The following TSPEAR variants were observed in gnomAD, a reference collection of about 807,000 sequenced individuals.
TSPEAR encodes the protein thrombospondin-type laminin G domain and EAR repeat-containing protein.
TSPEAR carries 69 observed loss-of-function variants against 71.6 expected under a neutral mutation model. That is an observed-to-expected ratio of 0.96 (90% confidence interval 0.79 to 1.18). TSPEAR has a LOEUF of 1.18. TSPEAR is among the 50% of genes most tolerant of loss of function. The pLI is 0.00. For synonymous variants in TSPEAR, 402 were observed against 387.2 expected (o/e 1.04, Z -0.45); for missense variants, 971 against 894.9 (o/e 1.09, Z -1.09).
rs1464359617 is a variant in TSPEAR at position 44,612,030 on chromosome 21, C to T, written c.83-44025G>A. ...GAAAATACCCAGGGAGGGTATAAAA[C>T]CTCAGCAGCCAGGGCACACAAACCC... On this transcript the variant is annotated intron_variant, in intron 1 of 11. Coordinates refer to ENST00000323084, the MANE Select transcript of TSPEAR (RefSeq NM_144991.3). The surrounding 1 kb of genome is among the most constrained non-coding windows in gnomAD (Gnocchi z 4.1). 4.7e-6 allele frequency: 7 copies of T among 1,498,612 alleles called. No individual in the cohort carries two copies. Among genetic ancestry groups the T allele is most frequent in the Non-Finnish European group, 6.4e-6 (7 of 1,093,634 alleles). The allele number at this position is 1,498,612 out of a possible 1,614,324, so 92.8% of individuals were successfully genotyped here.
intron 1 of TSPEAR, among the ~76,000 whole-genome samples, chr21:44,679,573 G>C (rs916403656): frequency 6.6e-6 from 1 of 152,080 alleles, no homozygotes; most frequent in Admixed American, 6.6e-5. Flanking sequence ...GAACCAAAAA[G>C]GACCCTGAAT....
At chr21:44,633,095 TTAA>T (rs1263051393) in intron 1 of TSPEAR, among the ~76,000 whole-genome samples, 2 of 152,198 alleles carry the variant, frequency 1.3e-5, no homozygotes, top group Admixed American at 1.3e-4. Flanking sequence ...ATTTCTGATT[TTAA>T]TAATTAGAGC....
Position 44,647,301 on chromosome 21 carries a change from A to G in TSPEAR, c.82+64132T>C, listed in dbSNP as rs782281354. On this transcript the variant is annotated intron_variant, in intron 1 of 11. Coordinates refer to ENST00000323084, the MANE Select transcript of TSPEAR (RefSeq NM_144991.3). Reference sequence around the variant, plus strand: ...GCGTGTCCCTCCTCTGCCGCCCCGCAAGCTCCCGCCTGGCCTGCTACAGCC... The same window carrying G: ...GCGTGTCCCTCCTCTGCCGCCCCGCGAGCTCCCGCCTGGCCTGCTACAGCC... 96 of 1,613,504 alleles carry G rather than the reference A, an allele frequency of 5.9e-5. 1 individual carries two copies. The highest frequency in any genetic ancestry group is 1.4e-4 in the South Asian group (13 of 91,036).
At position 44,549,173 on chromosome 21, in the gene TSPEAR, G is replaced by T. The variant is rs137891884; in HGVS notation, c.304-15250C>A. ...GGCTAAACATTTAGGGGAAGGGGTCGTCTGCGGCGAGCTAGAGAGTCAGTC... is the reference window on the plus strand; with the variant it reads ...GGCTAAACATTTAGGGGAAGGGGTCTTCTGCGGCGAGCTAGAGAGTCAGTC... On this transcript the variant is annotated intron_variant, in intron 2 of 11. Transcript: ENST00000323084. Among the ~76,000 whole-genome samples the T allele has an allele frequency of 8.3e-3, 1,268 of 152,308 alleles. 6 individuals are homozygous for T. The highest frequency in any genetic ancestry group is 0.014 in the Non-Finnish European group (942 of 68,020).
intron 2 of TSPEAR, among the ~76,000 whole-genome samples, chr21:44,556,010 G>T (rs2053521542): frequency 6.6e-6 from 1 of 152,224 alleles, no homozygotes; most frequent in African/African-American, 2.4e-5. Context: ...CAAAGGAAAA[G>T]ACCTACTCAA....
chr21:44,514,836 A>C (rs587771438), intron 9 of TSPEAR, among the ~76,000 whole-genome samples: 85 of 152,234 alleles, frequency 5.6e-4, no homozygotes, highest in African/African-American at 2.0e-3. Flanking sequence ...ATGGGACATC[A>C]AACCACCTTC....
chr21:44,595,658 G>A (rs111794862), intron 1 of TSPEAR, among the ~76,000 whole-genome samples: 2,761 of 152,258 alleles, frequency 0.018, 87 homozygotes, highest in African/African-American at 0.063. Flanking sequence ...AGGAACGTGC[G>A]GCACTGAGGA....
intron 1 of TSPEAR, among the ~76,000 whole-genome samples, chr21:44,696,814 C>G (rs576720898): frequency 3.7e-4 from 56 of 152,294 alleles, no homozygotes; most frequent in Non-Finnish European, 6.8e-4. Context: ...CACGGCCCCA[C>G]GGTCCCGCTC....
chr21:44,597,111 C>T (rs1980413688), intron 1 of TSPEAR, among the ~76,000 whole-genome samples: 1 of 152,184 alleles, frequency 6.6e-6, no homozygotes, highest in Middle Eastern at 3.4e-3. Flanking sequence ...TTAACATCCC[C>T]CACTATGATT....
At chr21:44,705,844 A>G (rs1987884899) in intron 1 of TSPEAR, among the ~76,000 whole-genome samples, 1 of 94,806 alleles carries the variant, frequency 1.1e-5, no homozygotes, top group Non-Finnish European at 2.6e-5. Flanking sequence ...TTACCCTGTT[A>G]AGTACTTGCT....
At chr21:44,501,894 A>G (rs1555911144) in intron 11 of TSPEAR, among the ~76,000 whole-genome samples, 1 of 152,228 alleles carries the variant, frequency 6.6e-6, no homozygotes, top group African/African-American at 2.4e-5. Context: ...CCCAGTCCAC[A>G]GGTGCAGTTA....
At position 44,546,365 on chromosome 21, in the gene TSPEAR, C is replaced by T. The variant is rs116840678; in HGVS notation, c.304-12442G>A. 8.6e-3 allele frequency among the ~76,000 whole-genome samples: 1,311 copies of T among 152,288 alleles called. 14 individuals are homozygous for T. The highest frequency in any genetic ancestry group is 0.03 in the African/African-American group (1,241 of 41,554). On this transcript the variant is annotated intron_variant, in intron 2 of 11. Transcript: ENST00000323084. This position sits in a 1 kb window ranked among gnomAD's most constrained non-coding sequence, Gnocchi z 4.4. ...ATGAATCACTTTCTCTTCAGAGTCT[C>T]GCTCTGTTGCCCAGGCTGGAGTGCA...
chr21:44,612,776 C>A lies in TSPEAR; in HGVS notation c.83-44771G>T. On this transcript the variant is annotated intron_variant, in intron 1 of 11. Transcript: ENST00000323084. This position sits in a 1 kb window ranked among gnomAD's most constrained non-coding sequence, Gnocchi z 4.1. ...CCGGCCTGCCTGCTGTGTGCCTGTC[C>A]CCTCCTGTTGTGTCCCTGCCTCCTC... 6.2e-7 allele frequency: 1 copy of A among 1,613,712 alleles called. No individual in the cohort carries two copies. The highest frequency in any genetic ancestry group is 1.3e-5 in the African/African-American group (1 of 74,952).
At chr21:44,521,719 C>T (rs2052738083) in intron 9 of TSPEAR, among the ~76,000 whole-genome samples, 164 bp downstream of exon 9, 2 of 152,176 alleles carry the variant, frequency 1.3e-5, no homozygotes, top group Non-Finnish European at 2.9e-5. Flanking sequence ...GATCCTGTGC[C>T]GTCCAGAGGA....
At chr21:44,622,842 GT>G (rs1982530106) in intron 1 of TSPEAR, among the ~76,000 whole-genome samples, 1 of 152,208 alleles carries the variant, frequency 6.6e-6, no homozygotes, top group African/African-American at 2.4e-5. Flanking sequence ...GATCTCCACT[GT>G]TGGAGGTGGG....
At chr21:44,535,211 T>A (rs1429805798) in intron 2 of TSPEAR, among the ~76,000 whole-genome samples, 3 of 152,162 alleles carry the variant, frequency 2.0e-5, no homozygotes, top group African/African-American at 7.2e-5. Context: ...TAAAAATAGT[T>A]TCGATGGTAA....
chr21:44,635,692 G>A (rs1047795222), intron 1 of TSPEAR, among the ~76,000 whole-genome samples: 16 of 152,162 alleles, frequency 1.1e-4, no homozygotes, highest in African/African-American at 2.4e-4. Context: ...GGGTTCCTTC[G>A]GGAGCGATGA....
At chr21:44,511,338 CACAA>C (rs1464294782) in intron 9 of TSPEAR, among the ~76,000 whole-genome samples, 5 of 151,980 alleles carry the variant, frequency 3.3e-5, no homozygotes, top group African/African-American at 9.7e-5. Context: ...TGCATACACA[CACAA>C]ACATGCATAT....
chr21:44,575,680 C>T (rs1415718651), intron 1 of TSPEAR, among the ~76,000 whole-genome samples: 7 of 152,342 alleles, frequency 4.6e-5, no homozygotes, highest in South Asian at 4.1e-4. Flanking sequence ...TGTCTTCTAG[C>T]GCCATGCTTG....
Sources: allele counts gnomAD v4.1 joint callset (sites outside exome capture counted in the v4.1 genomes callset), GRCh38; gene constraint gnomAD v4.1.1; non-coding constraint Gnocchi (gnomAD v3.1); transcripts MANE v1.5; gene names NCBI Gene and HGNC (gene_info 2026-07-23, HGNC 2026-07-21).